SLC25A25: variants seen among roughly 807,000 people sequenced by gnomAD.
SLC25A25 encodes the protein solute carrier family 25 member 25.
In SLC25A25, 32 loss-of-function variants were observed where a neutral mutation model predicts 57.7. That is an observed-to-expected ratio of 0.55 (90% confidence interval 0.42 to 0.74). The LOEUF is 0.74. Among genes scored for constraint, SLC25A25 ranks in the 30% least tolerant of loss-of-function variants. The probability of loss-of-function intolerance (pLI) is 0.00; values close to 1 mark genes in which losing one functional copy is unlikely to be tolerated. For synonymous variants in SLC25A25, 306 were observed against 291.2 expected (o/e 1.05, Z -0.52); for missense variants, 556 against 701.3 (o/e 0.79, Z 2.34).
At position 128,107,276 on chromosome 9, in the gene SLC25A25, T is replaced by C. The variant is rs781056301; in HGVS notation, c.1380T>C (p.Ala460=). ...RMQAQASIEG[A]PEVTMSSLFK... ...ATCCTGCAGCCTCTATTGAGGGCGC[T>C]CCGGAGGTGACCATGAGCAGCCTCT... is the stretch of plus-strand genomic sequence containing the variant. The change falls in exon 11 of 11, where the codon GCT becomes GCC. Residue 460 remains alanine, a synonymous_variant. Transcript: ENST00000373069. 2 of 1,591,956 alleles carry C rather than the reference T, an allele frequency of 1.3e-6. No individual in the cohort carries two copies. The highest frequency in any genetic ancestry group is 4.5e-5 in the East Asian group (2 of 44,394).
Position 128,106,433 on chromosome 9 carries a change from A to G in SLC25A25, c.1125A>G (p.Arg375=), listed in dbSNP as rs750699865. 7.4e-6 allele frequency: 12 copies of G among 1,613,638 alleles called. 1 individual carries two copies. In the South Asian group the frequency reaches 1.3e-4, roughly 18 times the overall value. ...ACTGCGCCAGGAGGATCCTGGCCAGAGAGGGGGTGGCCGCCTTCTACAAAG... is the reference window on the plus strand; with the variant it reads ...ACTGCGCCAGGAGGATCCTGGCCAGGGAGGGGGTGGCCGCCTTCTACAAAG... The part of the protein sequence containing the change: ...MLDCARRILA[R]EGVAAFYKGY... Residue 375 remains arginine (R), a synonymous_variant, in exon 9 of 11, where the codon AGA becomes AGG. Coordinates refer to ENST00000373069, the MANE Select transcript of SLC25A25 (RefSeq NM_001330988.2).
chr9:128,098,642 C>A, intron 1 of SLC25A25: 1 of 1,614,168 alleles, frequency 6.2e-7, no homozygotes, highest in Non-Finnish European at 8.5e-7. Context: ...GTCGAAGGGG[C>A]TCCCTGCCGA....
In SLC25A25 at chr9:128,068,569, G is replaced by T; in HGVS notation, c.250G>T (p.Gly84Cys). The change falls in exon 1 of 11, where the codon GGC (glycine) becomes TGC (cysteine). Residue 84 changes from glycine (G) to cysteine (C), a missense_variant. By Grantham distance (159) the Gly-to-Cys change is radical. Coordinates refer to ENST00000373069, the MANE Select transcript of SLC25A25 (RefSeq NM_001330988.2). ...GCGCCTGGGACTGCACCGCACCGAG[G>T]GCGAGCTCCAGGTAGGCTGCGCGCG... ...LRRLGLHRTE[G>C]ELQKIVQAGD... 1 of 1,419,260 alleles carries T rather than the reference G, an allele frequency of 7.0e-7. No homozygotes were observed. The highest frequency in any genetic ancestry group is 1.5e-5 in the South Asian group (1 of 65,718). 87.9% of individuals were successfully genotyped at this position (1,419,260 alleles called of 1,614,324 possible).
intron 1 of SLC25A25, among the ~76,000 whole-genome samples, chr9:128,073,210 CCTT>C (rs1047010102): frequency 6.6e-6 from 1 of 152,170 alleles, no homozygotes; most frequent in African/African-American, 2.4e-5. Context: ...CTCCTCTCCT[CCTT>C]AACACAGTTT....
At chr9:128,091,050 G>A (rs1172474106) in intron 1 of SLC25A25, 1 of 152,256 alleles carries the variant, frequency 6.6e-6, no homozygotes, top group Admixed American at 6.5e-5. Context: ...CTTCTGGAGG[G>A]AGACGCAGCA....
In SLC25A25 at chr9:128,107,590, G is replaced by A; in HGVS notation, c.*146G>A. On this transcript the variant is annotated 3_prime_UTR_variant, in exon 11 of 11. Coordinates refer to ENST00000373069, the MANE Select transcript of SLC25A25 (RefSeq NM_001330988.2). ...TAGACGCACCCGCAGGGAGGGTGGG[G>A]AGAGCTGGCAGGCCCAGGGCTTGTC... is the stretch of plus-strand genomic sequence containing the variant. 1 of 982,016 alleles carries A rather than the reference G, an allele frequency of 1.0e-6. No individual in the cohort carries two copies. The highest frequency in any genetic ancestry group is 2.5e-5 in the South Asian group (1 of 40,074). The allele number at this position is 982,016 out of a possible 1,614,324, so 60.8% of individuals were successfully genotyped here. A position where few individuals can be genotyped will look rare whatever the true frequency, so the allele number is the denominator to read the frequency against.
intron 1 of SLC25A25, among the ~76,000 whole-genome samples, chr9:128,072,203 C>A (rs2130781724): frequency 6.6e-6 from 1 of 152,294 alleles, no homozygotes; most frequent in Non-Finnish European, 1.5e-5. Flanking sequence ...AGACATCCTG[C>A]CTCTTGTACC....
At chr9:128,080,242 C>CA (rs1405094917) in intron 1 of SLC25A25, among the ~76,000 whole-genome samples, 2 of 47,206 alleles carry the variant, frequency 4.2e-5, no homozygotes, top group Admixed American at 2.3e-4. Context: ...AAAAAAAAAA[C>CA]AAAAAAACAA....
At chr9:128,106,044 A>G in intron 7 of SLC25A25, 106 bp from the exon 8 acceptor site, 1 of 1,544,780 alleles carries the variant, frequency 6.5e-7, no homozygotes, top group South Asian at 1.2e-5. Context: ...AGTTCCTTAC[A>G]TTTCTGGGTA....
chr9:128,102,270 T>C lies in SLC25A25; in HGVS notation c.513-100T>C, dbSNP rs1357512902. The C allele has an allele frequency of 7.8e-6, 11 of 1,417,098 alleles. No individual in the cohort carries two copies. The highest frequency in any genetic ancestry group is 4.8e-5 in the South Asian group (4 of 82,656). The allele number at this position is 1,417,098 out of a possible 1,614,324, so 87.8% of individuals were successfully genotyped here. On this transcript the variant is annotated intron_variant, in intron 4 of 10. Coordinates refer to ENST00000373069, the MANE Select transcript of SLC25A25 (RefSeq NM_001330988.2). The surrounding 1 kb of genome is among the most constrained non-coding windows in gnomAD (Gnocchi z 4.1). ...GGGCAGAGGCACCTCGTGTGGTTTC[T>C]GGGCATCCGAATGCCTGCCCTTGGC...
At chr9:128,073,308 T>C (rs996578303) in intron 1 of SLC25A25, among the ~76,000 whole-genome samples, 1 of 152,180 alleles carries the variant, frequency 6.6e-6, no homozygotes, top group Non-Finnish European at 1.5e-5. Context: ...CCACATATTT[T>C]GCTCCCAAAG....
chr9:128,101,159 T>C lies in SLC25A25; in HGVS notation c.325T>C (p.Tyr109His). The C allele has an allele frequency of 6.2e-7, 1 of 1,614,256 alleles. No homozygotes were observed. The highest frequency in any genetic ancestry group is 1.1e-5 in the South Asian group (1 of 91,092). Residue 109 changes from tyrosine to histidine, a missense_variant, in exon 2 of 11, where the codon TAT becomes CAT. By Grantham distance (83) the Tyr-to-His change is moderately conservative. Transcript: ENST00000373069. This position sits in a 1 kb window ranked among gnomAD's most constrained non-coding sequence, Gnocchi z 4.9. Reference protein sequence around the residue: ...GQLDFEEFVHYLQDHEKKLRL... With the variant: ...GQLDFEEFVHHLQDHEKKLRL... ...GCTAGACTTTGAAGAATTTGTCCAT[T>C]ATCTCCAAGATCATGAGAAGAAGCT... is the stretch of plus-strand genomic sequence containing the variant.
At chr9:128,098,920 G>C (rs1173162823) in intron 1 of SLC25A25, 2 of 985,448 alleles carry the variant, frequency 2.0e-6, no homozygotes, top group Non-Finnish European at 2.4e-6. Context: ...GACTTCCCAG[G>C]AAGGCTGGAA....
intron 1 of SLC25A25, among the ~76,000 whole-genome samples, chr9:128,097,296 GAGGGTCGTCCTGCCCTGAA>G (rs1382709864): frequency 6.6e-6 from 1 of 152,250 alleles, no homozygotes; most frequent in Non-Finnish European, 1.5e-5. Flanking sequence ...GGCCTGCAGA[GAGGGTCGTCCTGCCCTGAA>G]AGGGTCGTTC....
intron 1 of SLC25A25, among the ~76,000 whole-genome samples, chr9:128,075,226 G>C (rs1832984820): frequency 6.6e-6 from 1 of 152,030 alleles, no homozygotes; most frequent in African/African-American, 2.4e-5. Context: ...AGGATCGCTT[G>C]AGTCTGGGAG....
At chr9:128,080,077 CA>C (rs1833115231) in intron 1 of SLC25A25, among the ~76,000 whole-genome samples, 1 of 150,454 alleles carries the variant, frequency 6.6e-6, no homozygotes, top group Non-Finnish European at 1.5e-5. Context: ...TAAAAAAACT[CA>C]GGAGGGGCCG....
intron 1 of SLC25A25, among the ~76,000 whole-genome samples, chr9:128,086,328 ATTTTTT>A (rs35134996): frequency 6.3e-5 from 6 of 95,468 alleles, no homozygotes; most frequent in African/African-American, 1.9e-4. Context: ...TACTCGGCTA[ATTTTTT>A]TTTTTTTTTT....
At chr9:128,089,376 A>G (rs1833347420) in intron 1 of SLC25A25, among the ~76,000 whole-genome samples, 1 of 152,214 alleles carries the variant, frequency 6.6e-6, no homozygotes, top group Non-Finnish European at 1.5e-5. Context: ...TCTATGAAGT[A>G]CTAACTCCAT....
rs748019680 is a variant in SLC25A25, at chr9:128,068,287, C to G, written c.-33C>G. The G allele has an allele frequency of 1.8e-4, 225 of 1,256,840 alleles. 4 individuals are homozygous for G. The East Asian group carries it at 7.1e-3, about 40-fold the overall frequency. The allele number at this position is 1,256,840 out of a possible 1,614,324, so 77.9% of individuals were successfully genotyped here. A position where few individuals can be genotyped will look rare whatever the true frequency, so the allele number is the denominator to read the frequency against. On this transcript the variant is annotated 5_prime_UTR_variant, in exon 1 of 11. Coordinates refer to ENST00000373069, the MANE Select transcript of SLC25A25 (RefSeq NM_001330988.2). ...CACCGCCGGCCCGCCGCCCCCGCTC[C>G]CGCCCGCGCCCGGAGCCCCTGCCTC...
Sources: allele counts gnomAD v4.1 joint callset (sites outside exome capture counted in the v4.1 genomes callset), GRCh38; gene constraint gnomAD v4.1.1; non-coding constraint Gnocchi (gnomAD v3.1); transcripts MANE v1.5; gene names NCBI Gene and HGNC (gene_info 2026-07-23, HGNC 2026-07-21).